The following SYT17 variants were observed in gnomAD, a reference collection of about 807,000 sequenced individuals.
The protein encoded by SYT17 is synaptotagmin-17.
A neutral mutation model predicts 46.7 loss-of-function variants in SYT17; 22 were observed. The ratio of observed to expected loss-of-function variants is 0.47; its 90% CI spans 0.34 to 0.67. The LOEUF (loss-of-function observed/expected upper bound fraction) is 0.67, where lower values mean the gene tolerates loss of function less well. Among genes scored for constraint, SYT17 ranks in the 30% least tolerant of loss-of-function variants. The probability of loss-of-function intolerance (pLI) is 0.01; values close to 1 mark genes in which losing one functional copy is unlikely to be tolerated. For missense variants in SYT17, 519 were observed against 612.8 expected (o/e 0.85, Z 1.62); for synonymous variants, 251 against 248.4 (o/e 1.01, Z -0.10).
chr16:19,176,696 T>G (rs1033302596), intron 3 of SYT17, among the ~76,000 whole-genome samples: 2 of 151,994 alleles, frequency 1.3e-5, no homozygotes, highest in African/African-American at 4.8e-5. Flanking sequence ...CATCACCCCT[T>G]GTAGAGATAG....
At chr16:19,173,701 C>A in intron 3 of SYT17, 123 bp downstream of exon 3, 1 of 1,137,370 alleles carries the variant, frequency 8.8e-7, no homozygotes, top group Non-Finnish European at 1.2e-6. Context: ...GAGAAGCAGG[C>A]TGAGTTTCCA....
intron 7 of SYT17, among the ~76,000 whole-genome samples, chr16:19,249,020 A>G (rs1967811046): frequency 6.6e-6 from 1 of 152,196 alleles, no homozygotes; most frequent in Admixed American, 6.5e-5. Context: ...CACGCCTGTA[A>G]TCCCAGCACT....
intron 5 of SYT17, among the ~76,000 whole-genome samples, chr16:19,202,182 C>T (rs1036895722): frequency 4.6e-5 from 7 of 152,150 alleles, no homozygotes; most frequent in African/African-American, 1.4e-4. Flanking sequence ...AAGATTGCCC[C>T]TGCTTCAGAT....
chr16:19,217,521 T>A (rs1256905144), intron 5 of SYT17, among the ~76,000 whole-genome samples: 1 of 152,238 alleles, frequency 6.6e-6, no homozygotes, highest in Non-Finnish European at 1.5e-5. Flanking sequence ...TTTGTCTACA[T>A]TGTATCAATG....
chr16:19,243,625 C>G (rs1967297412), intron 7 of SYT17, among the ~76,000 whole-genome samples: 1 of 151,846 alleles, frequency 6.6e-6, no homozygotes, highest in Non-Finnish European at 1.5e-5. Flanking sequence ...AGCTGACCAG[C>G]CTGACCAACC....
chr16:19,219,595 G>A (rs1285144662), intron 5 of SYT17, among the ~76,000 whole-genome samples: 1 of 151,986 alleles, frequency 6.6e-6, no homozygotes, highest in African/African-American at 2.4e-5. Context: ...TTGATTTTTG[G>A]CAAATGCACA....
At chr16:19,252,971 A>T (rs372912898) in intron 7 of SYT17, among the ~76,000 whole-genome samples, 1 of 152,190 alleles carries the variant, frequency 6.6e-6, no homozygotes, top group East Asian at 1.9e-4. Flanking sequence ...CTGATTCAGT[A>T]TAGCTGTGTG....
intron 3 of SYT17, among the ~76,000 whole-genome samples, chr16:19,178,310 G>C (rs1159965091): frequency 6.6e-6 from 1 of 151,650 alleles, no homozygotes; most frequent in South Asian, 2.1e-4. Flanking sequence ...TGGTCTCGAT[G>C]TCCTGACCTC....
intron 5 of SYT17, among the ~76,000 whole-genome samples, chr16:19,216,951 T>G (rs1357991222): frequency 6.6e-6 from 1 of 152,190 alleles, no homozygotes; most frequent in South Asian, 2.1e-4. Context: ...TTGATGGATC[T>G]CCACACAGTC....
intron 7 of SYT17, among the ~76,000 whole-genome samples, chr16:19,266,399 A>G (rs1313263917): frequency 6.6e-6 from 1 of 152,262 alleles, no homozygotes; most frequent in Admixed American, 6.5e-5. Flanking sequence ...TCCACAGGAC[A>G]GTTACGGCAA....
At position 19,224,955 on chromosome 16, in the gene SYT17, C is replaced by G. The variant is rs1331979291; in HGVS notation, c.1228+117C>G. 8 of 1,205,980 alleles carry G rather than the reference C, an allele frequency of 6.6e-6. No homozygotes were observed. In the African/African-American group the frequency reaches 9.2e-5, roughly 14 times the overall value. The allele number at this position is 1,205,980 out of a possible 1,614,324, so 74.7% of individuals were successfully genotyped here. A position where few individuals can be genotyped will look rare whatever the true frequency, so the allele number is the denominator to read the frequency against. ...TAAGAACGTAATGTCTGGCATTCAACTACCTGGGTTTGAACCCACTTAACA... is the reference window on the plus strand; with the variant it reads ...TAAGAACGTAATGTCTGGCATTCAAGTACCTGGGTTTGAACCCACTTAACA... On this transcript the variant is annotated intron_variant, in intron 7 of 7. Coordinates refer to ENST00000355377, the MANE Select transcript of SYT17 (RefSeq NM_016524.4).
rs144245418 is a variant in SYT17, at chr16:19,188,336, G to T, written c.951+4189G>T. ...ACAACACACAGTGGGGCCTTTCACA[G>T]AATGGAGGGTGGGAGGAGGGAGAGG... On this transcript the variant is annotated intron_variant, in intron 5 of 7. Coordinates refer to ENST00000355377, the MANE Select transcript of SYT17 (RefSeq NM_016524.4). Among the ~76,000 whole-genome samples the T allele has an allele frequency of 1.0e-3, 158 of 152,168 alleles. 2 individuals are homozygous for T. The highest frequency in any genetic ancestry group is 3.6e-3 in the African/African-American group (150 of 41,508).
At chr16:19,258,028 C>T (rs1235734584) in intron 7 of SYT17, among the ~76,000 whole-genome samples, 5 of 152,058 alleles carry the variant, frequency 3.3e-5, no homozygotes, top group Non-Finnish European at 5.9e-5. Flanking sequence ...CTTCCAGAAC[C>T]GTCTGCCTTG....
intron 7 of SYT17, among the ~76,000 whole-genome samples, chr16:19,238,061 A>G (rs988523772): frequency 1.2e-4 from 19 of 152,222 alleles, no homozygotes; most frequent in Non-Finnish European, 2.6e-4. Flanking sequence ...GAGGAGAATC[A>G]TCTGAAAGAC....
At chr16:19,209,281 A>G (rs1300452548) in intron 5 of SYT17, among the ~76,000 whole-genome samples, 1 of 152,226 alleles carries the variant, frequency 6.6e-6, no homozygotes, top group African/African-American at 2.4e-5. Flanking sequence ...TTGCTGAATA[A>G]TAGTATCCAT....
intron 5 of SYT17, among the ~76,000 whole-genome samples, chr16:19,195,527 C>G (rs1011799869): frequency 7.9e-5 from 12 of 151,736 alleles, no homozygotes; most frequent in Admixed American, 7.9e-4. Flanking sequence ...ACCAGCCTGG[C>G]CAACATGGTG....
chr16:19,228,804 A>G (rs1267218741), intron 7 of SYT17, among the ~76,000 whole-genome samples: 1 of 152,190 alleles, frequency 6.6e-6, no homozygotes, highest in Non-Finnish European at 1.5e-5. Flanking sequence ...TGAGAGAAAG[A>G]GCTGTCACCT....
chr16:19,178,310 G>T (rs1159965091), intron 3 of SYT17, among the ~76,000 whole-genome samples: 1 of 151,766 alleles, frequency 6.6e-6, no homozygotes, highest in Non-Finnish European at 1.5e-5. Flanking sequence ...TGGTCTCGAT[G>T]TCCTGACCTC....
intron 3 of SYT17, among the ~76,000 whole-genome samples, chr16:19,179,864 T>A (rs749922792): frequency 1.2e-4 from 19 of 152,240 alleles, no homozygotes; most frequent in Non-Finnish European, 2.2e-4. Context: ...CAAACTTCTG[T>A]TCAGAAATTG....
Sources: gnomAD v4.1 joint callset for allele counts (sites outside exome capture counted in the v4.1 genomes callset) on GRCh38, gnomAD v4.1.1 for gene constraint, MANE v1.5 for transcripts, NCBI Gene and HGNC (gene_info 2026-07-23, HGNC 2026-07-21) for gene names.